The following HDAC8 variants were observed in gnomAD, a reference collection of about 807,000 sequenced individuals.
HDAC8 encodes the protein histone deacetylase-like 1.
HDAC8 carries 1 observed loss-of-function variant against 32.2 expected under a neutral mutation model. That is an observed-to-expected ratio of 0.03 (90% CI 0.01 to 0.15). The LOEUF (loss-of-function observed/expected upper bound fraction) is 0.15, where lower values mean the gene tolerates loss of function less well. HDAC8 is among the 10% of genes least tolerant of loss of function. The probability of loss-of-function intolerance (pLI) is 1.00; values close to 1 mark genes in which losing one functional copy is unlikely to be tolerated. For missense variants in HDAC8, 117 were observed against 300.0 expected (o/e 0.39, Z 4.51); for synonymous variants, 108 against 113.9 (o/e 0.95, Z 0.33).
chrX:72,550,618 C>T lies in HDAC8; in HGVS notation c.437+17271G>A, dbSNP rs183534654. On this transcript the variant is annotated intron_variant, in intron 4 of 10. Coordinates refer to ENST00000373573, the MANE Select transcript of HDAC8 (RefSeq NM_018486.3). ...TGATATGAAAGAAAGCTCATTGTAGCCCACTAAATTGATATAATGTCCATC... is the reference window on the plus strand; with the variant it reads ...TGATATGAAAGAAAGCTCATTGTAGTCCACTAAATTGATATAATGTCCATC... Among the ~76,000 whole-genome samples, 141 of 110,679 alleles carry T rather than the reference C, an allele frequency of 1.3e-3. 2 individuals are homozygous for T. The highest frequency in any genetic ancestry group is 4.2e-3 in the African/African-American group (129 of 30,487).
At chrX:72,355,400 G>C (rs1348514641) in intron 9 of HDAC8, among the ~76,000 whole-genome samples, 1 of 111,629 alleles carries the variant, frequency 9.0e-6, no homozygotes, top group Non-Finnish European at 1.9e-5. Flanking sequence ...GAAAGAGGGA[G>C]GTGCTAACCT....
At chrX:72,455,686 G>A (rs1455847042) in intron 9 of HDAC8, among the ~76,000 whole-genome samples, 2 of 112,216 alleles carry the variant, frequency 1.8e-5, no homozygotes, top group East Asian at 2.8e-4. Flanking sequence ...CTGCCACTGG[G>A]AGCATAACAG....
At chrX:72,394,728 G>A in intron 9 of HDAC8, among the ~76,000 whole-genome samples, 1 of 112,139 alleles carries the variant, frequency 8.9e-6, no homozygotes, top group East Asian at 2.8e-4. Context: ...ATTAAGCCCA[G>A]GGTTCTCTTT....
At chrX:72,357,230 G>T (rs1169264708) in intron 9 of HDAC8, among the ~76,000 whole-genome samples, 1 of 108,314 alleles carries the variant, frequency 9.2e-6, no homozygotes, top group Non-Finnish European at 1.9e-5. Flanking sequence ...GTGGTAGGGT[G>T]TACGTGTGTG....
Position 72,490,997 on chromosome X carries a change from T to A in HDAC8, c.560A>T (p.Asp187Val). 1 of 1,182,659 alleles carries A rather than the reference T, an allele frequency of 8.5e-7. No homozygotes were observed. Residue 187 changes from aspartate to valine, a missense_variant, in exon 6 of 11, where the codon GAC (aspartate) becomes GTC (valine). Coordinates refer to ENST00000373573, the MANE Select transcript of HDAC8 (RefSeq NM_018486.3). ...GACTTTGGAGGTGAAACTGAATGCGTCTTCTACACCTAACAGATAAAGAAA... is the reference window on the plus strand; with the variant it reads ...GACTTTGGAGGTGAAACTGAATGCGACTTCTACACCTAACAGATAAAGAAA... Reference protein sequence around the residue: ...LDLHHGDGVEDAFSFTSKVMT... With the variant: ...LDLHHGDGVEVAFSFTSKVMT...
At chrX:72,437,322 T>G (rs1281931718) in intron 9 of HDAC8, among the ~76,000 whole-genome samples, 3 of 111,976 alleles carry the variant, frequency 2.7e-5, no homozygotes, top group African/African-American at 9.7e-5. Flanking sequence ...TACTACACTT[T>G]TCCCATGGAC....
At chrX:72,444,257 C>G (rs1359644271) in intron 9 of HDAC8, among the ~76,000 whole-genome samples, 2 of 102,897 alleles carry the variant, frequency 1.9e-5, no homozygotes, top group Non-Finnish European at 3.9e-5. Flanking sequence ...AGACCAATAT[C>G]CTTGATGAAC....
intron 7 of HDAC8, among the ~76,000 whole-genome samples, chrX:72,472,158 C>T (rs1304037753): frequency 0.01 from 1,084 of 106,121 alleles, 21 homozygotes; most frequent in African/African-American, 0.035. Context: ...AGCTCCGCCT[C>T]CCGGGTTCAC....
chrX:72,434,023 A>G (rs1298220466), intron 9 of HDAC8, among the ~76,000 whole-genome samples: 1 of 112,658 alleles, frequency 8.9e-6, no homozygotes, highest in Non-Finnish European at 1.9e-5. Context: ...AAATAAACTA[A>G]TGCATGTGGC....
At chrX:72,354,372 T>C (rs908548814) in intron 9 of HDAC8, among the ~76,000 whole-genome samples, 1 of 112,631 alleles carries the variant, frequency 8.9e-6, no homozygotes, top group African/African-American at 3.2e-5. Flanking sequence ...ACATGGCAGC[T>C]GGCTGGCCTG....
intron 4 of HDAC8, among the ~76,000 whole-genome samples, chrX:72,500,014 A>C (rs2049155273): frequency 9.0e-6 from 1 of 111,521 alleles, no homozygotes; most frequent in South Asian, 3.8e-4. Context: ...TATGCACACA[A>C]ACTAGAAAAC....
intron 10 of HDAC8, 112 bp downstream of exon 10, chrX:72,351,621 A>G (rs1220175971): frequency 2.0e-6 from 1 of 497,621 alleles, no homozygotes; most frequent in East Asian, 3.7e-5. Flanking sequence ...TTTCCAAGTC[A>G]GTGAAATGAT....
chrX:72,416,127 G>T (rs1352026305), intron 9 of HDAC8, among the ~76,000 whole-genome samples: 3 of 110,783 alleles, frequency 2.7e-5, no homozygotes, highest in African/African-American at 9.8e-5. Flanking sequence ...TTAAATGTTT[G>T]GTAGAATTCT....
chrX:72,489,184 G>A (rs1250191614), intron 6 of HDAC8, 143 bp from the exon 7 acceptor site: 3 of 472,128 alleles, frequency 6.4e-6, no homozygotes, highest in African/African-American at 4.9e-5. Context: ...CAATCTTGGA[G>A]AAGCAGGCAA....
intron 4 of HDAC8, among the ~76,000 whole-genome samples, chrX:72,543,248 C>T (rs2050761212): frequency 9.0e-6 from 1 of 111,126 alleles, no homozygotes; most frequent in African/African-American, 3.3e-5. Context: ...ACGATTGATG[C>T]CTTGAAGGGA....
chrX:72,406,956 T>C (rs1322108494), intron 9 of HDAC8, among the ~76,000 whole-genome samples: 1 of 111,819 alleles, frequency 8.9e-6, no homozygotes, highest in Non-Finnish European at 1.9e-5. Flanking sequence ...GCCCCCAGGG[T>C]ATGTAGTGGC....
chrX:72,451,265 C>T (rs1555987332), intron 9 of HDAC8, among the ~76,000 whole-genome samples: 1 of 109,604 alleles, frequency 9.1e-6, no homozygotes, highest in African/African-American at 3.3e-5. Flanking sequence ...GGTGTGATCT[C>T]AGCTTACTGC....
intron 7 of HDAC8, among the ~76,000 whole-genome samples, chrX:72,488,519 T>C (rs1021977138): frequency 1.8e-5 from 2 of 111,962 alleles, no homozygotes; most frequent in Admixed American, 9.5e-5. Flanking sequence ...TGAATAATAA[T>C]AGTCAATTCT....
intron 9 of HDAC8, among the ~76,000 whole-genome samples, chrX:72,384,924 G>T (rs1288429548): frequency 9.0e-6 from 1 of 111,657 alleles, no homozygotes; most frequent in African/African-American, 3.3e-5. Flanking sequence ...CCTTATCTTG[G>T]AGATTCTTTC....
Sources: gnomAD v4.1 joint callset for allele counts (sites outside exome capture counted in the v4.1 genomes callset) on GRCh38, gnomAD v4.1.1 for gene constraint, MANE v1.5 for transcripts, NCBI Gene and HGNC (gene_info 2026-07-23, HGNC 2026-07-21) for gene names.